Variants in MAPRE2 observed in about 807,000 individuals in gnomAD.
MAPRE2 encodes microtubule associated protein RP/EB family member 2, also known as microtubule-associated protein RP/EB family member 2.
A neutral mutation model predicts 43.2 loss-of-function variants in MAPRE2; 13 were observed. The ratio of observed to expected loss-of-function variants is 0.30; its 90% CI spans 0.20 to 0.48. The LOEUF is 0.48. Among genes scored for constraint, MAPRE2 ranks in the 20% least tolerant of loss-of-function variants. The probability of loss-of-function intolerance (pLI) is 0.99; values close to 1 mark genes in which losing one functional copy is unlikely to be tolerated. For missense variants in MAPRE2, 161 were observed against 400.2 expected (o/e 0.40, Z 5.10); for synonymous variants, 135 against 148.8 (o/e 0.91, Z 0.68).
chr18:35,009,158 T>C (rs1183262044), intron 2 of MAPRE2, among the ~76,000 whole-genome samples: 2 of 151,934 alleles, frequency 1.3e-5, no homozygotes, highest in East Asian at 3.9e-4. Flanking sequence ...AGATGCACCA[T>C]AGGAGAAATA....
chr18:35,041,213 A>T, upstream of MAPRE2: 1 of 772,090 alleles, frequency 1.3e-6, no homozygotes, highest in Non-Finnish European at 1.8e-6. Flanking sequence ...TTTACATGCC[A>T]GATGTAGGCC....
At chr18:35,081,367 A>G (rs986248645) in intron 2 of MAPRE2, among the ~76,000 whole-genome samples, 5 of 152,234 alleles carry the variant, frequency 3.3e-5, no homozygotes, top group African/African-American at 1.2e-4. Context: ...TGGGAAATAT[A>G]AAGAAAGCAA....
chr18:35,103,302 G>A (rs1908761737), intron 4 of MAPRE2, among the ~76,000 whole-genome samples: 1 of 152,132 alleles, frequency 6.6e-6, no homozygotes. Context: ...GTTGTTAGGA[G>A]GCAAAATAGA....
At chr18:35,007,973 G>A (rs1568969775) in intron 2 of MAPRE2, among the ~76,000 whole-genome samples, 1 of 152,192 alleles carries the variant, frequency 6.6e-6, no homozygotes, top group Admixed American at 6.5e-5. Flanking sequence ...CCAACTGGGG[G>A]ACTTGAGCAT....
chr18:35,025,292 T>A (rs1182917099), intron 2 of MAPRE2, among the ~76,000 whole-genome samples: 1 of 152,216 alleles, frequency 6.6e-6, no homozygotes, highest in African/African-American at 2.4e-5. Flanking sequence ...GCCTGTTGTG[T>A]CCAAATGTAA....
intron 1 of MAPRE2, among the ~76,000 whole-genome samples, chr18:35,067,701 T>C (rs376216596): frequency 5.8e-4 from 88 of 152,308 alleles, no homozygotes; most frequent in African/African-American, 2.0e-3. Context: ...CATTACTGCC[T>C]GAAGAAGAAA....
chr18:35,035,861 C>G (rs985283401), intron 2 of MAPRE2, among the ~76,000 whole-genome samples: 4 of 133,678 alleles, frequency 3.0e-5, no homozygotes, highest in Non-Finnish European at 6.3e-5. Context: ...TCTCTTTCCC[C>G]CTGAATGAGA....
At chr18:35,132,857 G>T (rs540069266) in intron 6 of MAPRE2, among the ~76,000 whole-genome samples, 1 of 152,304 alleles carries the variant, frequency 6.6e-6, no homozygotes, top group East Asian at 1.9e-4. Flanking sequence ...AGAAAGCGGG[G>T]CAGGATGCAT....
chr18:35,059,488 CTGTGTGCCACACACAGTTCCAG>C (rs1906409794), intron 1 of MAPRE2, among the ~76,000 whole-genome samples: 3 of 152,206 alleles, frequency 2.0e-5, no homozygotes, highest in African/African-American at 7.2e-5. Flanking sequence ...TGTGTACCTA[CTGTGTGCCACACACAGTTCCAG>C]ACACAGGAGA....
chr18:34,993,992 C>A (rs949557538), intron 1 of MAPRE2, among the ~76,000 whole-genome samples: 1 of 120,032 alleles, frequency 8.3e-6, no homozygotes. Flanking sequence ...CATGGATTTT[C>A]TTTTTTTTTT....
intron 4 of MAPRE2, among the ~76,000 whole-genome samples, chr18:35,107,717 G>C (rs1908972285): frequency 6.6e-6 from 1 of 152,106 alleles, no homozygotes. Context: ...ATATCAGTTA[G>C]ATCAAGGTGT....
chr18:35,047,929 T>G (rs1456841946), intron 1 of MAPRE2, among the ~76,000 whole-genome samples: 1 of 152,112 alleles, frequency 6.6e-6, no homozygotes, highest in Admixed American at 6.5e-5. Flanking sequence ...TGGCAAAAAC[T>G]CAAACTTTCT....
At chr18:35,007,623 C>T (rs138756983) in intron 2 of MAPRE2, among the ~76,000 whole-genome samples, 28 of 152,298 alleles carry the variant, frequency 1.8e-4, no homozygotes, top group African/African-American at 5.5e-4. Context: ...CCATCATTTG[C>T]GCATCCATGA....
At chr18:35,068,791 C>G (rs1017468748) in intron 1 of MAPRE2, among the ~76,000 whole-genome samples, 1 of 152,176 alleles carries the variant, frequency 6.6e-6, no homozygotes, top group African/African-American at 2.4e-5. Flanking sequence ...ATCATGGAAG[C>G]AGGCAGTCAG....
At chr18:34,980,914 AG>A (rs1439679032) in intron 1 of MAPRE2, among the ~76,000 whole-genome samples, 3 of 152,198 alleles carry the variant, frequency 2.0e-5, no homozygotes, top group African/African-American at 7.2e-5. Flanking sequence ...ACATTTAAAT[AG>A]CCACCATATT....
intron 4 of MAPRE2, among the ~76,000 whole-genome samples, chr18:35,119,031 A>G (rs546997018): frequency 6.6e-6 from 1 of 152,174 alleles, no homozygotes; most frequent in African/African-American, 2.4e-5. Context: ...AGTTGTGACT[A>G]TGGAGTTTGT....
At chr18:35,094,106 TTGAA>T (rs771919167) in intron 2 of MAPRE2, among the ~76,000 whole-genome samples, 3 of 152,140 alleles carry the variant, frequency 2.0e-5, no homozygotes, top group African/African-American at 2.4e-5. Context: ...AATAGCGACT[TTGAA>T]TGTTCTCACC....
At chr18:35,086,829 A>G (rs927456286) in intron 2 of MAPRE2, among the ~76,000 whole-genome samples, 1 of 152,176 alleles carries the variant, frequency 6.6e-6, no homozygotes, top group Non-Finnish European at 1.5e-5. Context: ...TATGGGATTC[A>G]GAATGTTTAA....
At chr18:35,140,264 A>G (rs1363603908) in intron 6 of MAPRE2, 31 bp from the exon 7 acceptor site, 5 of 1,600,802 alleles carry the variant, frequency 3.1e-6, no homozygotes, top group African/African-American at 1.3e-5. Context: ...CCAGTCAATT[A>G]TCTCAGCTGA....
Sources: allele counts gnomAD v4.1 joint callset (sites outside exome capture counted in the v4.1 genomes callset), GRCh38; gene constraint gnomAD v4.1.1; transcripts MANE v1.5; gene names NCBI Gene and HGNC (gene_info 2026-07-23, HGNC 2026-07-21).